Variants in PCGF3 observed in about 807,000 individuals in gnomAD.
PCGF3 encodes the protein polycomb group RING finger protein 3.
PCGF3 carries 7 observed loss-of-function variants against 33.1 expected under a neutral mutation model. The ratio of observed to expected loss-of-function variants is 0.21; its 90% CI spans 0.12 to 0.40. The LOEUF (loss-of-function observed/expected upper bound fraction) is 0.40. Ranked by LOEUF, PCGF3 falls within the 10% of genes least tolerant of loss-of-function variation. PCGF3 has a pLI of 1.00. For synonymous variants in PCGF3, 153 were observed against 121.3 expected, an observed-to-expected ratio of 1.26 and a Z score of -1.72; for missense variants, 211 against 313.3, an observed-to-expected ratio of 0.67 and a Z score of 2.46.
intron 9 of PCGF3, among the ~76,000 whole-genome samples, chr4:763,462 G>A (rs1208602207): frequency 6.6e-6 from 1 of 152,230 alleles, no homozygotes; most frequent in Non-Finnish European, 1.5e-5. Flanking sequence ...TTCAATTCAT[G>A]CCTTCCCCAG....
At position 732,329 on chromosome 4, in the gene PCGF3, C is replaced by T. The variant is rs1743617054; in HGVS notation, c.-10+1219C>T. 6 of 154,768 alleles carry T rather than the reference C, an allele frequency of 3.9e-5. No homozygotes were observed. The South Asian group carries it at 8.1e-4, about 21-fold the overall frequency. The allele number at this position is 154,768 out of a possible 1,614,324, so 9.6% of individuals were successfully genotyped here. Reference sequence around the variant, plus strand: ...CCTTCCCTCCCTACCCTCCCCTCCCCTTCCCTCCTCCCCTCCCTTCCCTTC... The same window carrying T: ...CCTTCCCTCCCTACCCTCCCCTCCCTTTCCCTCCTCCCCTCCCTTCCCTTC... On this transcript the variant is annotated intron_variant, in intron 3 of 10. Transcript: ENST00000362003.
chr4:744,062 C>T (rs961733300), intron 7 of PCGF3: 1 of 165,866 alleles, frequency 6.0e-6, no homozygotes, highest in East Asian at 1.7e-4. Flanking sequence ...CTCCGGGCGT[C>T]TGTGACAGTT....
intron 6 of PCGF3, 86 bp from the exon 7 acceptor site, chr4:743,388 A>T: frequency 2.6e-6 from 2 of 762,136 alleles, no homozygotes; most frequent in Non-Finnish European, 4.6e-6. Flanking sequence ...GCAAATCCCT[A>T]ATTTTCTTTA....
At chr4:769,699 T>G (rs1023281604) in exon 11 of PCGF3, 1 of 152,284 alleles carries the variant, frequency 6.6e-6, no homozygotes, top group Non-Finnish European at 1.5e-5. Context: ...AGCTGCAGTT[T>G]GAGCGTTCCC....
intron 8 of PCGF3, among the ~76,000 whole-genome samples, chr4:754,016 C>T (rs141908345): frequency 3.9e-4 from 59 of 152,270 alleles, no homozygotes; most frequent in South Asian, 1.0e-3. Context: ...TGGCAGGAGT[C>T]GCCTCCGTCT....
chr4:765,147 A>G, intron 10 of PCGF3, 83 bp downstream of exon 10: 2 of 981,650 alleles, frequency 2.0e-6, no homozygotes, highest in East Asian at 2.5e-5. Context: ...ATGTTAAATG[A>G]CTCCAGCTGG....
At chr4:731,509 T>TC (rs1743558801) in intron 3 of PCGF3, among the ~76,000 whole-genome samples, 1 of 147,450 alleles carries the variant, frequency 6.8e-6, no homozygotes, top group Admixed American at 6.7e-5. Context: ...GGGTGCTCTG[T>TC]CCCCTCGTGG....
chr4:763,560 C>T (rs927902235), intron 9 of PCGF3, among the ~76,000 whole-genome samples: 1 of 152,228 alleles, frequency 6.6e-6, no homozygotes, highest in Non-Finnish European at 1.5e-5. Flanking sequence ...GGGCCAGAAT[C>T]CCAAGCACTG....
intron 1 of PCGF3, among the ~76,000 whole-genome samples, chr4:728,087 T>G (rs1311295906): frequency 6.6e-6 from 1 of 152,196 alleles, no homozygotes; most frequent in Non-Finnish European, 1.5e-5. Flanking sequence ...ACGTAAACTT[T>G]CCATTTTATT....
intron 8 of PCGF3, among the ~76,000 whole-genome samples, chr4:749,763 C>G (rs2152601610): frequency 6.6e-6 from 1 of 152,234 alleles, no homozygotes; most frequent in South Asian, 2.1e-4. Flanking sequence ...AGTCACTGCA[C>G]CCAGCCTTGC....
intron 3 of PCGF3, among the ~76,000 whole-genome samples, chr4:733,357 TG>T (rs1388150696): frequency 1.3e-5 from 2 of 152,220 alleles, no homozygotes; most frequent in African/African-American, 4.8e-5. Flanking sequence ...TCGGGGATCC[TG>T]CCTCTCTGCA....
chr4:729,099 CAAAAAAAAAAAAAAAAAA>C (rs34927260), intron 1 of PCGF3, among the ~76,000 whole-genome samples: 1 of 40,252 alleles, frequency 2.5e-5, no homozygotes, highest in African/African-American at 1.2e-4. Context: ...GACTCCATCT[CAAAAAAAAAAAAAAAAAA>C]AAAAAAAAAA....
intron 9 of PCGF3, chr4:762,947 G>C (rs544283814): frequency 1.3e-5 from 2 of 152,346 alleles, no homozygotes; most frequent in East Asian, 1.9e-4. Context: ...GGTTTGGGGT[G>C]GGGGGTGGTG....
At chr4:716,233 T>A (rs2109531511) in intron 1 of PCGF3, among the ~76,000 whole-genome samples, 1 of 133,434 alleles carries the variant, frequency 7.5e-6, no homozygotes, top group African/African-American at 2.7e-5. Flanking sequence ...TGGGACCCTC[T>A]AGACACTGTG....
chr4:733,627 C>T (rs1300707256), intron 3 of PCGF3, 45 bp from the exon 4 acceptor site: 8 of 1,558,818 alleles, frequency 5.1e-6, no homozygotes, highest in Non-Finnish European at 6.9e-6. Context: ...GGATGAAAGG[C>T]ATGGAAGAGT....
intron 6 of PCGF3, among the ~76,000 whole-genome samples, chr4:740,029 T>C (rs1168343052): frequency 6.6e-6 from 1 of 152,184 alleles, no homozygotes; most frequent in Non-Finnish European, 1.5e-5. Flanking sequence ...ACTTTAAAAC[T>C]ATTAGCAGTG....
intron 8 of PCGF3, among the ~76,000 whole-genome samples, chr4:756,836 T>G (rs1744790958): frequency 6.6e-6 from 1 of 152,094 alleles, no homozygotes; most frequent in Non-Finnish European, 1.5e-5. Context: ...TGCCGGGGGC[T>G]CTGAGGTGAT....
chr4:743,217 C>T (rs1169091693), intron 6 of PCGF3, among the ~76,000 whole-genome samples: 1 of 152,198 alleles, frequency 6.6e-6, no homozygotes, highest in Admixed American at 6.5e-5. Context: ...TCCCAGGCCC[C>T]GTGCCTGTCC....
At chr4:753,725 A>T (rs1180761196) in intron 8 of PCGF3, among the ~76,000 whole-genome samples, 1 of 151,978 alleles carries the variant, frequency 6.6e-6, no homozygotes, top group Non-Finnish European at 1.5e-5. Flanking sequence ...AGGCGGGCAG[A>T]TTGCCTAAGC....
Sources: allele counts gnomAD v4.1 joint callset (sites outside exome capture counted in the v4.1 genomes callset), GRCh38; gene constraint gnomAD v4.1.1; transcripts MANE v1.5; gene names NCBI Gene and HGNC (gene_info 2026-07-23, HGNC 2026-07-21).